The following RETREG1 variants were observed in gnomAD, a reference collection of about 807,000 sequenced individuals.
The protein encoded by RETREG1 is family with sequence similarity 134 member B.
A neutral mutation model predicts 54.8 loss-of-function variants in RETREG1; 44 were observed. The ratio of observed to expected loss-of-function variants is 0.80; its 90% CI spans 0.63 to 1.03. The LOEUF (loss-of-function observed/expected upper bound fraction) is 1.03, where lower values mean the gene tolerates loss of function less well. Ranked by LOEUF, RETREG1 falls within the 50% of genes least tolerant of loss-of-function variation. The pLI is 0.00. For missense variants in RETREG1, 554 were observed against 605.1 expected, an observed-to-expected ratio of 0.92 and a Z score of 0.89; for synonymous variants, 217 against 238.5, an observed-to-expected ratio of 0.91 and a Z score of 0.83.
At position 16,481,907 on chromosome 5, in the gene RETREG1, T is replaced by G. The variant is rs11958163; in HGVS notation, c.586-814A>C. 6.2e-3 allele frequency among the ~76,000 whole-genome samples: 937 copies of G among 152,168 alleles called. 13 individuals are homozygous for G. The highest frequency in any genetic ancestry group is 0.022 in the African/African-American group (898 of 41,540). ...GTCTTAAACTGTCTTACATTTTTCG[T>G]CATCTTTAAACAGTGATAGTAAATT... On this transcript the variant is annotated intron_variant, in intron 4 of 8. Coordinates refer to ENST00000306320, the MANE Select transcript of RETREG1 (RefSeq NM_001034850.3).
intron 3 of RETREG1, among the ~76,000 whole-genome samples, chr5:16,514,549 A>T (rs1231416503): frequency 1.3e-5 from 2 of 152,042 alleles, no homozygotes; most frequent in Non-Finnish European, 2.9e-5. Context: ...TTTTTATTTC[A>T]ATAGTTTTTA....
chr5:16,592,708 A>G (rs1742807098), intron 1 of RETREG1, among the ~76,000 whole-genome samples: 1 of 131,022 alleles, frequency 7.6e-6, no homozygotes, highest in South Asian at 2.4e-4. Flanking sequence ...CTAGGATACT[A>G]TGCAGCCATA....
At chr5:16,602,115 T>C (rs1743070571) in intron 1 of RETREG1, among the ~76,000 whole-genome samples, 1 of 152,166 alleles carries the variant, frequency 6.6e-6, no homozygotes, top group Admixed American at 6.5e-5. Flanking sequence ...GAACGTGCTC[T>C]CCCCATACAG....
intron 3 of RETREG1, among the ~76,000 whole-genome samples, chr5:16,541,235 T>A (rs1423213521): frequency 6.6e-6 from 1 of 152,178 alleles, no homozygotes; most frequent in African/African-American, 2.4e-5. Context: ...TGACTGTCAG[T>A]GCCTTGATCT....
intron 6 of RETREG1, 149 bp downstream of exon 6, chr5:16,478,701 G>A (rs1738639937): frequency 1.4e-6 from 1 of 693,034 alleles, no homozygotes; most frequent in Admixed American, 2.8e-5. Context: ...AATAGGAAAA[G>A]GATATATATA....
chr5:16,514,935 G>T (rs1214908444), intron 3 of RETREG1, among the ~76,000 whole-genome samples: 2 of 146,916 alleles, frequency 1.4e-5, no homozygotes, highest in Non-Finnish European at 3.0e-5. Flanking sequence ...ATAAATATAT[G>T]TGCATATATA....
intron 3 of RETREG1, among the ~76,000 whole-genome samples, chr5:16,549,961 G>A (rs902239293): frequency 3.3e-5 from 5 of 152,304 alleles, no homozygotes; most frequent in Middle Eastern, 3.4e-3. Flanking sequence ...CTGCTCGGGC[G>A]TTAAAGTGAC....
intron 3 of RETREG1, among the ~76,000 whole-genome samples, chr5:16,528,732 A>G (rs1425144317): frequency 6.6e-6 from 1 of 152,206 alleles, no homozygotes; most frequent in Non-Finnish European, 1.5e-5. Context: ...AGAACATCTG[A>G]TGGCATGAAC....
chr5:16,537,770 CA>C (rs1741120501), intron 3 of RETREG1, among the ~76,000 whole-genome samples: 1 of 42,602 alleles, frequency 2.3e-5, no homozygotes, highest in Admixed American at 1.7e-4. Context: ...CAGCACCATG[CA>C]GCATGCAGCA....
intron 3 of RETREG1, chr5:16,509,136 T>G (rs962055179): frequency 3.5e-6 from 2 of 565,370 alleles, no homozygotes; most frequent in African/African-American, 4.1e-5. Flanking sequence ...ATCTCCTCCT[T>G]CAAGTCACAG....
At chr5:16,584,981 T>C (rs1742586863) in intron 1 of RETREG1, among the ~76,000 whole-genome samples, 1 of 148,172 alleles carries the variant, frequency 6.7e-6, no homozygotes, top group Admixed American at 6.6e-5. Context: ...GCCTTTTTTT[T>C]TTCCCTAGGG....
chr5:16,505,420 G>A (rs1486425973), intron 3 of RETREG1, among the ~76,000 whole-genome samples: 5 of 151,908 alleles, frequency 3.3e-5, no homozygotes, highest in Non-Finnish European at 7.4e-5. Context: ...TTCACCTTGG[G>A]GTCTGTCTCC....
At chr5:16,500,262 G>A (rs1409068481) in intron 3 of RETREG1, among the ~76,000 whole-genome samples, 5 of 152,166 alleles carry the variant, frequency 3.3e-5, no homozygotes, top group Non-Finnish European at 7.3e-5. Context: ...TGACCTAGAT[G>A]AATTGTAATG....
intron 3 of RETREG1, among the ~76,000 whole-genome samples, chr5:16,502,625 G>A (rs929263097): frequency 1.3e-5 from 2 of 152,226 alleles, no homozygotes; most frequent in Non-Finnish European, 2.9e-5. Context: ...AGAACTAGAA[G>A]ACAGTATAAC....
At chr5:16,515,430 T>C (rs1263601615) in intron 3 of RETREG1, among the ~76,000 whole-genome samples, 2 of 152,240 alleles carry the variant, frequency 1.3e-5, no homozygotes, top group African/African-American at 4.8e-5. Flanking sequence ...TCTCAATTTA[T>C]CTATTTTTGG....
chr5:16,477,830 G>A, intron 7 of RETREG1, 42 bp from the exon 8 acceptor site: 8 of 1,610,848 alleles, frequency 5.0e-6, no homozygotes, highest in Non-Finnish European at 6.8e-6. Context: ...ATTTTAAACT[G>A]CTGAAGGGAA....
intron 1 of RETREG1, among the ~76,000 whole-genome samples, chr5:16,609,654 G>A (rs1964335): frequency 7.9e-5 from 12 of 151,924 alleles, no homozygotes; most frequent in Admixed American, 2.6e-4. Context: ...ATCTGCAAAC[G>A]AGACAGGACA....
intron 3 of RETREG1, among the ~76,000 whole-genome samples, chr5:16,535,417 C>T (rs183189341): frequency 1.4e-5 from 2 of 147,376 alleles, no homozygotes; most frequent in African/African-American, 5.1e-5. Context: ...CATGCATGCT[C>T]CCTTCACAAA....
At chr5:16,537,877 C>T (rs1048522120) in intron 3 of RETREG1, among the ~76,000 whole-genome samples, 2 of 152,156 alleles carry the variant, frequency 1.3e-5, no homozygotes, top group Admixed American at 1.3e-4. Flanking sequence ...ACCCTGCATG[C>T]AGGGTCCATG....
Sources: allele counts gnomAD v4.1 joint callset (sites outside exome capture counted in the v4.1 genomes callset), GRCh38; gene constraint gnomAD v4.1.1; transcripts MANE v1.5; gene names NCBI Gene and HGNC (gene_info 2026-07-23, HGNC 2026-07-21).